RFX3: variants seen among roughly 807,000 people sequenced by gnomAD.
RFX3 encodes the protein regulatory factor X3.
Under a neutral mutation model 98.6 loss-of-function variants are expected in RFX3, and 14 were observed. The ratio of observed to expected loss-of-function variants is 0.14; its 90% confidence interval spans 0.09 to 0.22. The LOEUF is 0.22. RFX3 is among the 10% of genes least tolerant of loss of function. RFX3 has a pLI of 1.00. For missense variants in RFX3, 639 were observed against 926.9 expected (o/e 0.69, Z 4.03); for synonymous variants, 383 against 328.4 (o/e 1.17, Z -1.80).
chr9:3,331,298 A>G (rs1173179872), intron 3 of RFX3, among the ~76,000 whole-genome samples: 1 of 152,026 alleles, frequency 6.6e-6, no homozygotes, highest in Non-Finnish European at 1.5e-5. Context: ...TGGCCACTCC[A>G]TGTTACCCTT....
chr9:3,289,462 A>C (rs1385524680), intron 6 of RFX3, among the ~76,000 whole-genome samples: 2 of 152,136 alleles, frequency 1.3e-5, no homozygotes, highest in Non-Finnish European at 2.9e-5. Flanking sequence ...AGAATGGTGC[A>C]ATAAGCAAAA....
At chr9:3,282,496 C>A (rs528836872) in intron 7 of RFX3, among the ~76,000 whole-genome samples, 1 of 151,572 alleles carries the variant, frequency 6.6e-6, no homozygotes, top group African/African-American at 2.4e-5. Context: ...AAGCTGCTGG[C>A]GAAAATCAGA....
At chr9:3,476,144 C>T (rs938557033) in intron 1 of RFX3, among the ~76,000 whole-genome samples, 3 of 150,362 alleles carry the variant, frequency 2.0e-5, no homozygotes, top group Admixed American at 6.7e-5. Flanking sequence ...AGAGTAATTG[C>T]TACAAATGAT....
intron 9 of RFX3, among the ~76,000 whole-genome samples, chr9:3,275,173 C>T (rs1053280222): frequency 1.3e-5 from 2 of 151,370 alleles, no homozygotes; most frequent in African/African-American, 4.9e-5. Context: ...AATAATGCAA[C>T]AAATGCCCTT....
chr9:3,379,879 AATTTATTT>A (rs36232668), intron 2 of RFX3, among the ~76,000 whole-genome samples: 22,957 of 146,604 alleles, frequency 0.16, 2,164 homozygotes, highest in African/African-American at 0.26. Flanking sequence ...ACTTATGGGC[AATTTATTT>A]ATTTATTTAT....
At position 3,222,863 on chromosome 9, in the gene RFX3, ATGAG is replaced by A. The variant is rs1817412176; in HGVS notation, c.*2175_*2178del. 3 of 152,204 alleles carry A rather than the reference ATGAG, an allele frequency of 2.0e-5. No individual in the cohort carries two copies. Among genetic ancestry groups the A allele is most frequent in the East Asian group, 1.9e-4 (1 of 5,190 alleles). 9.4% of individuals were successfully genotyped at this position (152,204 alleles called of 1,614,324 possible). On this transcript the variant is annotated 3_prime_UTR_variant, in exon 17 of 17. Coordinates refer to ENST00000617270, the MANE Select transcript of RFX3 (RefSeq NM_001282116.2). The stretch of plus-strand genomic sequence containing the variant: ...TATGCTAGTGAAGACTTTCAAATAT[ATGAG>A]TGAGTTGTATAATAAAAAATTTGGA...
chr9:3,476,476 T>A (rs953528770), intron 1 of RFX3, among the ~76,000 whole-genome samples: 20 of 152,098 alleles, frequency 1.3e-4, no homozygotes, highest in Admixed American at 3.9e-4. Flanking sequence ...GGGGAAGAGA[T>A]GAAGTAGCTC....
chr9:3,257,613 T>A (rs1374676020), intron 13 of RFX3, among the ~76,000 whole-genome samples: 1 of 152,196 alleles, frequency 6.6e-6, no homozygotes, highest in African/African-American at 2.4e-5. Context: ...TTAAAACCAA[T>A]TTATTTGAGA....
At chr9:3,435,278 T>A (rs964252499) in intron 1 of RFX3, among the ~76,000 whole-genome samples, 1 of 152,096 alleles carries the variant, frequency 6.6e-6, no homozygotes, top group Non-Finnish European at 1.5e-5. Context: ...ACTTTTTAAT[T>A]TTTTAACTCT....
At chr9:3,276,264 T>C (rs1586843123) in intron 8 of RFX3, among the ~76,000 whole-genome samples, 1 of 152,212 alleles carries the variant, frequency 6.6e-6, no homozygotes, top group East Asian at 1.9e-4. Flanking sequence ...CTGTGAAACT[T>C]TCCTTCACAC....
intron 1 of RFX3, among the ~76,000 whole-genome samples, chr9:3,482,380 T>G (rs1490451546): frequency 6.6e-6 from 1 of 152,114 alleles, no homozygotes; most frequent in Non-Finnish European, 1.5e-5. Flanking sequence ...ATGACAATAA[T>G]GCTCAAGCAG....
At chr9:3,252,203 T>C (rs922412617) in intron 14 of RFX3, among the ~76,000 whole-genome samples, 1 of 152,194 alleles carries the variant, frequency 6.6e-6, no homozygotes, top group African/African-American at 2.4e-5. Context: ...AAATTCAACT[T>C]TTTCCAATAA....
chr9:3,317,380 A>G (rs1830741930), intron 4 of RFX3, among the ~76,000 whole-genome samples: 1 of 152,242 alleles, frequency 6.6e-6, no homozygotes. Context: ...AAGATGGATT[A>G]AAGACTTAAA....
intron 2 of RFX3, among the ~76,000 whole-genome samples, chr9:3,379,618 G>T (rs1428473264): frequency 6.6e-6 from 1 of 152,100 alleles, no homozygotes; most frequent in East Asian, 1.9e-4. Context: ...TCTATTAATA[G>T]ATTCAATTTG....
At chr9:3,385,240 C>T (rs1051758184) in intron 2 of RFX3, among the ~76,000 whole-genome samples, 1 of 152,062 alleles carries the variant, frequency 6.6e-6, no homozygotes, top group Non-Finnish European at 1.5e-5. Flanking sequence ...TCATGTAAAA[C>T]ATTTTATAGG....
At chr9:3,334,581 A>C (rs1462497430) in intron 3 of RFX3, among the ~76,000 whole-genome samples, 2 of 152,200 alleles carry the variant, frequency 1.3e-5, no homozygotes, top group African/African-American at 2.4e-5. Context: ...TAAAGTCACT[A>C]AAGAGTGTGC....
intron 1 of RFX3, among the ~76,000 whole-genome samples, chr9:3,516,270 G>T (rs779976458): frequency 6.6e-6 from 1 of 151,966 alleles, no homozygotes; most frequent in Non-Finnish European, 1.5e-5. Flanking sequence ...GGATGGTCTA[G>T]ATCTCCTGAC....
intron 3 of RFX3, among the ~76,000 whole-genome samples, chr9:3,341,197 T>A (rs907998057): frequency 6.6e-6 from 1 of 151,612 alleles, no homozygotes; most frequent in African/African-American, 2.4e-5. Flanking sequence ...AGGCGGGAAT[T>A]GAACAATGAG....
At chr9:3,483,864 A>G (rs1186667416) in intron 1 of RFX3, among the ~76,000 whole-genome samples, 1 of 152,170 alleles carries the variant, frequency 6.6e-6, no homozygotes, top group East Asian at 1.9e-4. Context: ...TTGGGAATTT[A>G]CCTCATGTCT....
Sources: gnomAD v4.1 joint callset for allele counts (sites outside exome capture counted in the v4.1 genomes callset) on GRCh38, gnomAD v4.1.1 for gene constraint, MANE v1.5 for transcripts, NCBI Gene and HGNC (gene_info 2026-07-23, HGNC 2026-07-21) for gene names.